Variants in NCKAP5 observed in about 807,000 individuals in gnomAD.
NCKAP5 encodes the protein NCK associated protein 5.
NCKAP5 carries 92 observed loss-of-function variants against 167.0 expected under a neutral mutation model. The observed-to-expected ratio is 0.55, with a 90% confidence interval of 0.47 to 0.66. The LOEUF is 0.66. Among genes scored for constraint, NCKAP5 ranks in the 30% least tolerant of loss-of-function variants. The pLI is 0.00. For synonymous variants in NCKAP5, 891 were observed against 877.4 expected (o/e 1.02, Z -0.27); for missense variants, 2,378 against 2,315.0 (o/e 1.03, Z -0.56).
intron 8 of NCKAP5, among the ~76,000 whole-genome samples, chr2:132,937,207 C>T (rs1696919920): frequency 6.6e-6 from 1 of 152,028 alleles, no homozygotes; most frequent in Non-Finnish European, 1.5e-5. Context: ...GAGAGGCTGC[C>T]CAAAGAGACA....
intron 19 of NCKAP5, among the ~76,000 whole-genome samples, chr2:132,706,563 T>A (rs6430372): frequency 0.087 from 13,169 of 152,082 alleles, 1,776 homozygotes; most frequent in African/African-American, 0.29. Context: ...CTCCTCCATG[T>A]CCTATCACCA....
chr2:133,054,066 G>A (rs2079704305), intron 6 of NCKAP5, among the ~76,000 whole-genome samples: 2 of 152,172 alleles, frequency 1.3e-5, no homozygotes, highest in Admixed American at 1.3e-4. Context: ...CAGTATCAAG[G>A]AAGATGGCAA....
chr2:132,966,542 A>G (rs914145670), intron 7 of NCKAP5, among the ~76,000 whole-genome samples: 1 of 152,234 alleles, frequency 6.6e-6, no homozygotes, highest in Non-Finnish European at 1.5e-5. Flanking sequence ...TAAAATTTTC[A>G]TGAACAGTAC....
rs113183435 is a variant in NCKAP5 at position 132,780,045 on chromosome 2, C to T, written c.5049+1007G>A. On this transcript the variant is annotated intron_variant, in intron 15 of 19. Coordinates refer to ENST00000409261, the MANE Select transcript of NCKAP5 (RefSeq NM_207363.3). ...TACTATTAAATTATTTACACAAGTACATGAAGAATGTACAGAGAGTAAGTG... is the reference window on the plus strand; with the variant it reads ...TACTATTAAATTATTTACACAAGTATATGAAGAATGTACAGAGAGTAAGTG... Among the ~76,000 whole-genome samples the T allele has an allele frequency of 3.1e-3, 469 of 152,268 alleles. 3 individuals are homozygous for T. The highest frequency in any genetic ancestry group is 0.011 in the African/African-American group (447 of 41,538).
intron 5 of NCKAP5, among the ~76,000 whole-genome samples, chr2:133,209,310 T>A (rs2086102763): frequency 6.7e-6 from 1 of 149,926 alleles, no homozygotes; most frequent in African/African-American, 2.5e-5. Flanking sequence ...ACAGTAAGTA[T>A]GAAAAACGGT....
chr2:133,566,231 C>G (rs974582527), intron 1 of NCKAP5, among the ~76,000 whole-genome samples: 1 of 151,010 alleles, frequency 6.6e-6, no homozygotes, highest in Non-Finnish European at 1.5e-5. Context: ...GAAGGTTCCA[C>G]TGGAGAGAGG....
intron 8 of NCKAP5, among the ~76,000 whole-genome samples, chr2:132,895,059 C>T (rs984827167): frequency 6.6e-6 from 1 of 152,154 alleles, no homozygotes; most frequent in East Asian, 1.9e-4. Context: ...GGGCCGGGCG[C>T]AGTGGCTCAC....
At chr2:133,059,369 T>C (rs1352533504) in intron 6 of NCKAP5, among the ~76,000 whole-genome samples, 1 of 151,646 alleles carries the variant, frequency 6.6e-6, no homozygotes, top group African/African-American at 2.4e-5. Flanking sequence ...AGCAATAAAA[T>C]ATTTTGAAAT....
At chr2:133,175,531 AT>A (rs998315011) in intron 5 of NCKAP5, among the ~76,000 whole-genome samples, 5 of 151,520 alleles carry the variant, frequency 3.3e-5, no homozygotes, top group South Asian at 2.1e-4. Context: ...GAAGTAACAG[AT>A]TTTTTTTTGG....
intron 8 of NCKAP5, among the ~76,000 whole-genome samples, chr2:132,916,047 C>T (rs1188270542): frequency 6.6e-6 from 1 of 152,080 alleles, no homozygotes; most frequent in Non-Finnish European, 1.5e-5. Flanking sequence ...TTCATTCTCA[C>T]TGTTACCCCA....
chr2:133,099,471 A>G (rs1008498226), intron 6 of NCKAP5, among the ~76,000 whole-genome samples: 2 of 152,196 alleles, frequency 1.3e-5, no homozygotes, highest in African/African-American at 2.4e-5. Context: ...CCCTGTCCTG[A>G]TATTCTCAGA....
chr2:133,173,110 G>A lies in NCKAP5; in HGVS notation c.207+40606C>T, dbSNP rs567481502. Among the ~76,000 whole-genome samples the A allele has an allele frequency of 1.1e-3, 166 of 152,280 alleles. 1 individual carries two copies. Among genetic ancestry groups the A allele is most frequent in the Non-Finnish European group, 1.2e-3 (81 of 68,024 alleles). ...AGGGGCAACCAGTAAAGACTCAGGT[G>A]AGATTATGTTTGATCTCTGAGGAGT... On this transcript the variant is annotated intron_variant, in intron 5 of 19. Transcript: ENST00000409261.
intron 8 of NCKAP5, among the ~76,000 whole-genome samples, chr2:132,920,763 ATATG>A (rs1558943135): frequency 1.4e-5 from 1 of 69,264 alleles, no homozygotes; most frequent in African/African-American, 6.8e-5. Context: ...ATATGTATAT[ATATG>A]TATGTATATA....
intron 6 of NCKAP5, among the ~76,000 whole-genome samples, chr2:133,007,512 T>C (rs1388566347): frequency 6.6e-6 from 1 of 152,152 alleles, no homozygotes; most frequent in Non-Finnish European, 1.5e-5. Flanking sequence ...TTATACTAGT[T>C]GGGATAGGCT....
At chr2:132,973,177 G>C (rs1457265320) in intron 7 of NCKAP5, among the ~76,000 whole-genome samples, 2 of 152,150 alleles carry the variant, frequency 1.3e-5, no homozygotes, top group East Asian at 3.9e-4. Context: ...GTCTGTCTGA[G>C]TCTAGGACTG....
the NCKAP5 span, among the ~76,000 whole-genome samples, chr2:133,639,649 G>A: frequency 6.6e-6 from 1 of 151,336 alleles, no homozygotes; most frequent in African/African-American, 2.5e-5. Context: ...AGAAACAGGA[G>A]GGGAACATCT....
At chr2:133,426,999 C>A (rs773956498) in intron 3 of NCKAP5, among the ~76,000 whole-genome samples, 25 of 152,300 alleles carry the variant, frequency 1.6e-4, no homozygotes, top group African/African-American at 5.3e-4. Context: ...AGGCGGTCAG[C>A]AAATTTTCCC....
At chr2:133,071,400 C>G (rs538813091) in intron 6 of NCKAP5, among the ~76,000 whole-genome samples, 27 of 152,022 alleles carry the variant, frequency 1.8e-4, no homozygotes, top group African/African-American at 5.1e-4. Context: ...AGCCGAGATC[C>G]CGCCACTGCA....
chr2:133,050,929 G>A (rs142909428), intron 6 of NCKAP5, among the ~76,000 whole-genome samples: 7 of 152,156 alleles, frequency 4.6e-5, no homozygotes, highest in Non-Finnish European at 1.0e-4. Context: ...AAGTATATGC[G>A]CGACTGAACG....
Sources: gnomAD v4.1 joint callset for allele counts (sites outside exome capture counted in the v4.1 genomes callset) on GRCh38, gnomAD v4.1.1 for gene constraint, MANE v1.5 for transcripts, NCBI Gene and HGNC (gene_info 2026-07-23, HGNC 2026-07-21) for gene names.